DPYD: variants seen among roughly 807,000 people sequenced by gnomAD.
The protein encoded by DPYD is dihydropyrimidine dehydrogenase [NADP(+)].
Under a neutral mutation model 116.2 loss-of-function variants are expected in DPYD, and 109 were observed. The ratio of observed to expected loss-of-function variants is 0.94; its 90% CI spans 0.80 to 1.10. The LOEUF (loss-of-function observed/expected upper bound fraction) is 1.10. DPYD is among the 50% of genes least tolerant of loss of function. The probability of loss-of-function intolerance (pLI) is 0.00; values close to 1 mark genes in which losing one functional copy is unlikely to be tolerated. For synonymous variants in DPYD, 440 were observed against 432.0 expected (o/e 1.02, Z -0.23); for missense variants, 1,302 against 1,254.5 (o/e 1.04, Z -0.57).
intron 14 of DPYD, among the ~76,000 whole-genome samples, chr1:97,401,843 G>A (rs886106543): frequency 2.0e-5 from 3 of 152,098 alleles, no homozygotes; most frequent in Non-Finnish European, 4.4e-5. Context: ...TTTGTTGCAT[G>A]TGAACATGCA....
chr1:97,262,585 A>C (rs1397519017), intron 18 of DPYD, among the ~76,000 whole-genome samples: 1 of 152,072 alleles, frequency 6.6e-6, no homozygotes, highest in African/African-American at 2.4e-5. Flanking sequence ...AATAATCTTT[A>C]TTTCTTTTAT....
At chr1:97,170,597 G>A (rs1656651768) in intron 20 of DPYD, among the ~76,000 whole-genome samples, 1 of 151,866 alleles carries the variant, frequency 6.6e-6, no homozygotes, top group Non-Finnish European at 1.5e-5. Context: ...TCAGGATCAG[G>A]TTTCTCCCCA....
chr1:97,360,795 A>T (rs1405458989), intron 16 of DPYD, among the ~76,000 whole-genome samples: 1 of 152,202 alleles, frequency 6.6e-6, no homozygotes, highest in Non-Finnish European at 1.5e-5. Context: ...TCTGGGACAC[A>T]TTTAAAGCAG....
At chr1:97,673,103 A>ATT (rs1394078473) in intron 8 of DPYD, among the ~76,000 whole-genome samples, 1 of 146,552 alleles carries the variant, frequency 6.8e-6, no homozygotes. Flanking sequence ...TGCACTTGTT[A>ATT]TTTTTTTTTT....
intron 21 of DPYD, among the ~76,000 whole-genome samples, chr1:97,091,473 C>G (rs936197120): frequency 5.3e-5 from 8 of 152,114 alleles, no homozygotes; most frequent in Non-Finnish European, 8.8e-5. Context: ...TGCTAAAAAA[C>G]AGCAATAACA....
chr1:97,218,489 G>A (rs764771782), intron 19 of DPYD, among the ~76,000 whole-genome samples: 1 of 151,410 alleles, frequency 6.6e-6, no homozygotes, highest in African/African-American at 2.4e-5. Flanking sequence ...TTTTGGTCTA[G>A]AGCTGGAGTC....
chr1:97,546,348 T>A, intron 12 of DPYD: 3 of 1,425,404 alleles, frequency 2.1e-6, no homozygotes, highest in Non-Finnish European at 3.0e-6. Flanking sequence ...ATGGAGTTGT[T>A]GGGAATGAAG....
chr1:97,454,954 T>G (rs1676603676), intron 13 of DPYD, among the ~76,000 whole-genome samples: 1 of 151,858 alleles, frequency 6.6e-6, no homozygotes, highest in Non-Finnish European at 1.5e-5. Context: ...GGATGAATTT[T>G]ATAAACATCT....
chr1:97,338,563 C>A (rs1313290553), intron 16 of DPYD, among the ~76,000 whole-genome samples: 1 of 152,108 alleles, frequency 6.6e-6, no homozygotes, highest in African/African-American at 2.4e-5. Context: ...TTGCCTCATG[C>A]GGCTGGTAGG....
chr1:97,674,051 T>C (rs747671001), intron 8 of DPYD, among the ~76,000 whole-genome samples: 2 of 152,176 alleles, frequency 1.3e-5, no homozygotes, highest in East Asian at 1.9e-4. Flanking sequence ...AATATGGAGC[T>C]ATGGAAGAGT....
At chr1:97,159,064 G>C (rs1655697491) in intron 20 of DPYD, among the ~76,000 whole-genome samples, 1 of 152,034 alleles carries the variant, frequency 6.6e-6, no homozygotes, top group East Asian at 1.9e-4. Context: ...AGAGCATTTT[G>C]ACTGCTCTCA....
chr1:97,507,935 A>T (rs1382586223), intron 13 of DPYD, among the ~76,000 whole-genome samples: 8 of 152,024 alleles, frequency 5.3e-5, no homozygotes, highest in Admixed American at 5.3e-4. Flanking sequence ...AGGACATGAG[A>T]GCTGTCTCCA....
Position 97,883,303 on chromosome 1 carries a change from G to C in DPYD, c.111C>G (p.Asp37Glu). The C allele has an allele frequency of 1.2e-6, 2 of 1,612,496 alleles. No individual in the cohort carries two copies. Among genetic ancestry groups the C allele is most frequent in the Non-Finnish European group, 1.7e-6 (2 of 1,178,932 alleles). Residue 37 changes from aspartate (D) to glutamate (E), a missense_variant, in exon 2 of 23, where the codon GAC becomes GAG. Physicochemically the swap from Asp to Glu is conservative, Grantham distance 45. Transcript: ENST00000370192. ...TLCSTSAKKL[D>E]KKHWKRNPDK... ...CAGGATTTCTTTTCCAATGTTTCTT[G>C]TCTAATTTCTTGGCCGAAGTGGAAC...
At chr1:97,821,383 C>A (rs1668926794) in intron 3 of DPYD, among the ~76,000 whole-genome samples, 1 of 150,918 alleles carries the variant, frequency 6.6e-6, no homozygotes, top group Non-Finnish European at 1.5e-5. Flanking sequence ...CCCCATCCTT[C>A]CCTTTACTGT....
Position 97,221,409 on chromosome 1 carries a change from T to C in DPYD, c.2442+13443A>G, listed in dbSNP as rs530473585. On this transcript the variant is annotated intron_variant, in intron 19 of 22. Coordinates refer to ENST00000370192, the MANE Select transcript of DPYD (RefSeq NM_000110.4). ...CCAAGGAAATTACAAACTGTGAATA[T>C]GCAAATCTATAAATGGGGTTAAAAA... Among the ~76,000 whole-genome samples the C allele has an allele frequency of 1.4e-3, 189 of 136,166 alleles. 1 individual carries two copies. Among genetic ancestry groups the C allele is most frequent in the African/African-American group, 4.7e-3 (183 of 38,762 alleles). The allele number at this position is 136,166 out of a possible 152,430, so 89.3% of individuals were successfully genotyped here.
intron 2 of DPYD, among the ~76,000 whole-genome samples, chr1:97,836,819 T>C (rs1004855314): frequency 6.6e-6 from 1 of 152,046 alleles, no homozygotes; most frequent in African/African-American, 2.4e-5. Context: ...AGTGCCTAAA[T>C]TGATAAACTG....
At chr1:97,909,267 C>T (rs1346835292) in intron 1 of DPYD, among the ~76,000 whole-genome samples, 1 of 152,008 alleles carries the variant, frequency 6.6e-6, no homozygotes, top group East Asian at 1.9e-4. Context: ...AATGTGCCAC[C>T]TCTGTCTCAC....
chr1:97,090,483 T>C (rs1649828767), intron 21 of DPYD, among the ~76,000 whole-genome samples: 1 of 152,222 alleles, frequency 6.6e-6, no homozygotes, highest in Non-Finnish European at 1.5e-5. Context: ...TGAAACCTCA[T>C]AAGTACTCAA....
chr1:97,509,738 C>G (rs1365964304), intron 13 of DPYD, among the ~76,000 whole-genome samples: 10 of 151,870 alleles, frequency 6.6e-5, no homozygotes, highest in Admixed American at 6.6e-4. Flanking sequence ...AAGATCATCT[C>G]AAGAATATTG....
Sources: gnomAD v4.1 joint callset for allele counts (sites outside exome capture counted in the v4.1 genomes callset) on GRCh38, gnomAD v4.1.1 for gene constraint, MANE v1.5 for transcripts, NCBI Gene and HGNC (gene_info 2026-07-23, HGNC 2026-07-21) for gene names.